Variants in TRPM3 observed in about 807,000 individuals in gnomAD.
TRPM3 encodes long transient receptor potential channel 3.
A neutral mutation model predicts 181.2 loss-of-function variants in TRPM3; 77 were observed. That is an observed-to-expected ratio of 0.42 (90% CI 0.35 to 0.51). The LOEUF (loss-of-function observed/expected upper bound fraction) is 0.51. Ranked by LOEUF, TRPM3 falls within the 20% of genes least tolerant of loss-of-function variation. TRPM3 has a pLI of 0.01. For synonymous variants in TRPM3, 745 were observed against 796.4 expected, an observed-to-expected ratio of 0.94 and a Z score of 1.09; for missense variants, 1,759 against 2,196.7, an observed-to-expected ratio of 0.80 and a Z score of 3.98.
At chr9:71,368,041 TACACAC>T (rs541081087) in intron 1 of TRPM3, among the ~76,000 whole-genome samples, 7 of 151,804 alleles carry the variant, frequency 4.6e-5, no homozygotes, top group African/African-American at 1.7e-4. Flanking sequence ...TGAGTATGTG[TACACAC>T]ACACACATGA....
chr9:70,874,868 C>T (rs1011489200), intron 1 of TRPM3, among the ~76,000 whole-genome samples: 2 of 151,786 alleles, frequency 1.3e-5, no homozygotes, highest in Admixed American at 1.3e-4. Flanking sequence ...AAATCAATCT[C>T]TTTCTCTCTC....
At chr9:70,854,250 G>C (rs905624617) in intron 3 of TRPM3, among the ~76,000 whole-genome samples, 5 of 152,196 alleles carry the variant, frequency 3.3e-5, no homozygotes, top group African/African-American at 1.2e-4. Flanking sequence ...TGTCCCCTGA[G>C]CATTACTCTG....
intron 1 of TRPM3, among the ~76,000 whole-genome samples, chr9:71,096,590 A>ACACACACACC (rs1452142664): frequency 1.1e-5 from 1 of 89,998 alleles, no homozygotes; most frequent in African/African-American, 5.2e-5. Context: ...ACACACACAC[A>ACACACACACC]CTCTCTCTCT....
At chr9:70,567,271 G>A (rs979407446) in intron 22 of TRPM3, among the ~76,000 whole-genome samples, 1 of 152,242 alleles carries the variant, frequency 6.6e-6, no homozygotes, top group East Asian at 1.9e-4. Flanking sequence ...AGTATGTAAA[G>A]AGAAAGGGTA....
At chr9:71,335,598 A>G (rs1482869884) in intron 1 of TRPM3, among the ~76,000 whole-genome samples, 1 of 152,168 alleles carries the variant, frequency 6.6e-6, no homozygotes, top group East Asian at 1.9e-4. Context: ...TTGAAATAAT[A>G]TAAGAAATCA....
chr9:70,592,666 A>T (rs1219089585), intron 21 of TRPM3, among the ~76,000 whole-genome samples: 4 of 152,172 alleles, frequency 2.6e-5, no homozygotes, highest in Admixed American at 6.5e-5. Context: ...CACAAAAAAA[A>T]GCCTAATGCT....
intron 1 of TRPM3, among the ~76,000 whole-genome samples, chr9:71,306,814 A>G (rs956335172): frequency 6.6e-6 from 1 of 152,208 alleles, no homozygotes; most frequent in Non-Finnish European, 1.5e-5. Context: ...TGGAGATTGC[A>G]GTGAGCCGAG....
At chr9:70,846,272 G>T in intron 4 of TRPM3, 106 bp downstream of exon 4, 1 of 1,030,742 alleles carries the variant, frequency 9.7e-7, no homozygotes, top group Non-Finnish European at 1.5e-6. Flanking sequence ...CCCATGGGTA[G>T]GGATGAAGTG....
At chr9:70,789,124 T>C (rs2084692630) in intron 6 of TRPM3, among the ~76,000 whole-genome samples, 1 of 152,332 alleles carries the variant, frequency 6.6e-6, no homozygotes, top group Non-Finnish European at 1.5e-5. Flanking sequence ...CACAGGATAT[T>C]TAAAAAACTC....
chr9:71,031,975 T>TATATATATATA lies in TRPM3; in HGVS notation c.177+89192_177+89202dup, dbSNP rs1554806589. ...TATATATAATTATATATATATATTA[T>TATATATATATA]ATATATATATATTATATATATATAA... On this transcript the variant is annotated intron_variant, in intron 1 of 25. Transcript: ENST00000677713. Among the ~76,000 whole-genome samples the TATATATATATA allele has an allele frequency of 1.3e-3, 10 of 7,940 alleles. 1 individual carries two copies. Among genetic ancestry groups the TATATATATATA allele is most frequent in the Admixed American group, 2.9e-3 (1 of 340 alleles). The allele number at this position is 7,940 out of a possible 152,430, so 5.2% of individuals were successfully genotyped here.
chr9:70,579,819 G>A (rs767529313), intron 22 of TRPM3, among the ~76,000 whole-genome samples: 1 of 152,170 alleles, frequency 6.6e-6, no homozygotes, highest in Non-Finnish European at 1.5e-5. Context: ...AGGCAAAGCC[G>A]TTTTGCCACC....
intron 1 of TRPM3, among the ~76,000 whole-genome samples, chr9:71,054,539 T>C (rs1406498607): frequency 6.6e-6 from 1 of 152,160 alleles, no homozygotes; most frequent in Non-Finnish European, 1.5e-5. Flanking sequence ...GGTGCCACTT[T>C]TGTTTTTACT....
intron 19 of TRPM3, among the ~76,000 whole-genome samples, chr9:70,604,370 A>G (rs1386317286): frequency 2.6e-5 from 4 of 152,228 alleles, no homozygotes; most frequent in Non-Finnish European, 5.9e-5. Context: ...GAAATGGCAG[A>G]CTAGCTGGGC....
intron 1 of TRPM3, among the ~76,000 whole-genome samples, chr9:70,994,055 C>A (rs989539716): frequency 1.3e-5 from 2 of 152,078 alleles, no homozygotes; most frequent in African/African-American, 2.4e-5. Context: ...CTATGTTCAC[C>A]CACAAGCACT....
intron 10 of TRPM3, among the ~76,000 whole-genome samples, chr9:70,640,266 A>G (rs1393342374): frequency 6.6e-6 from 1 of 152,204 alleles, no homozygotes; most frequent in African/African-American, 2.4e-5. Context: ...GATTTGTCTT[A>G]TATTTTTTCA....
At chr9:70,841,838 G>T (rs2094687735) in intron 5 of TRPM3, among the ~76,000 whole-genome samples, 1 of 151,196 alleles carries the variant, frequency 6.6e-6, no homozygotes, top group Non-Finnish European at 1.5e-5. Context: ...CAGAAACAAA[G>T]TCAAATACTG....
chr9:71,376,765 T>C (rs2092677078), intron 1 of TRPM3, among the ~76,000 whole-genome samples: 1 of 152,084 alleles, frequency 6.6e-6, no homozygotes, highest in Non-Finnish European at 1.5e-5. Context: ...AATAACATAC[T>C]GAGAAAACTG....
At chr9:70,908,171 G>T (rs1022268711) in intron 1 of TRPM3, among the ~76,000 whole-genome samples, 3 of 152,160 alleles carry the variant, frequency 2.0e-5, no homozygotes, top group African/African-American at 7.2e-5. Context: ...ATATCAGTTA[G>T]TTGACAAAAA....
chr9:70,861,266 G>A (rs1304045441), intron 3 of TRPM3, among the ~76,000 whole-genome samples: 8 of 152,128 alleles, frequency 5.3e-5, no homozygotes, highest in African/African-American at 1.9e-4. Flanking sequence ...TAAATTGTCG[G>A]GAATCACTCC....
Sources: allele counts gnomAD v4.1 joint callset (sites outside exome capture counted in the v4.1 genomes callset), GRCh38; gene constraint gnomAD v4.1.1; transcripts MANE v1.5; gene names NCBI Gene and HGNC (gene_info 2026-07-23, HGNC 2026-07-21).